MYO6: variants seen among roughly 807,000 people sequenced by gnomAD.
The protein encoded by MYO6 is unconventional myosin-VI.
A neutral mutation model predicts 178.7 loss-of-function variants in MYO6; 74 were observed. The ratio of observed to expected loss-of-function variants is 0.41; its 90% CI spans 0.34 to 0.50. The LOEUF is 0.50. MYO6 is among the 20% of genes least tolerant of loss of function. The probability of loss-of-function intolerance (pLI) is 0.09; values close to 1 mark genes in which losing one functional copy is unlikely to be tolerated. For synonymous variants in MYO6, 477 were observed against 504.6 expected, an observed-to-expected ratio of 0.95 and a Z score of 0.73; for missense variants, 1,330 against 1,547.4, an observed-to-expected ratio of 0.86 and a Z score of 2.36.
At chr6:75,803,101 G>A (rs1478885673) in intron 1 of MYO6, among the ~76,000 whole-genome samples, 1 of 152,074 alleles carries the variant, frequency 6.6e-6, no homozygotes, top group Non-Finnish European at 1.5e-5. Flanking sequence ...ATTTACGCAG[G>A]TGTTTATATT....
intron 23 of MYO6, among the ~76,000 whole-genome samples, chr6:75,882,078 G>C (rs758852681): frequency 6.6e-6 from 1 of 151,962 alleles, no homozygotes; most frequent in South Asian, 2.1e-4. Context: ...TTGATCTCTC[G>C]TCCCCGCACC....
chr6:75,866,803 T>C, intron 17 of MYO6, 129 bp from the exon 18 acceptor site: 1 of 1,108,858 alleles, frequency 9.0e-7, no homozygotes, highest in Non-Finnish European at 1.4e-6. Flanking sequence ...CACTGACTAG[T>C]GGTGACGGCG....
chr6:75,749,383 G>C lies in MYO6; in HGVS notation c.-88G>C. 1 of 153,504 alleles carries C rather than the reference G, an allele frequency of 6.5e-6. No individual in the cohort carries two copies. The highest frequency in any genetic ancestry group is 1.4e-5 in the Non-Finnish European group (1 of 69,036). The allele number at this position is 153,504 out of a possible 1,614,324, so 9.5% of individuals were successfully genotyped here. On this transcript the variant is annotated 5_prime_UTR_variant, in exon 1 of 35. Coordinates refer to ENST00000369977, the MANE Select transcript of MYO6 (RefSeq NM_004999.4). ...CGCGCCCTCCAGCTTCACCCGTACA[G>C]GTAGCCCCGCCGCCGCGCACCTGCC... is the stretch of plus-strand genomic sequence containing the variant.
intron 20 of MYO6, among the ~76,000 whole-genome samples, chr6:75,874,746 AC>A (rs1296619296): frequency 6.6e-6 from 1 of 152,052 alleles, no homozygotes; most frequent in African/African-American, 2.4e-5. Context: ...TCTTACAGCT[AC>A]CTCTTCCTCC....
intron 1 of MYO6, among the ~76,000 whole-genome samples, chr6:75,797,697 C>T (rs1228218947): frequency 6.6e-6 from 1 of 152,028 alleles, no homozygotes; most frequent in African/African-American, 2.4e-5. Flanking sequence ...CCACGCCTGT[C>T]TAATTTTTGG....
chr6:75,833,863 A>G (rs985242008), intron 6 of MYO6, among the ~76,000 whole-genome samples: 1 of 152,198 alleles, frequency 6.6e-6, no homozygotes, highest in Non-Finnish European at 1.5e-5. Flanking sequence ...ATACCTTTGC[A>G]TACTTCATGA....
intron 16 of MYO6, among the ~76,000 whole-genome samples, chr6:75,863,729 C>T (rs149374887): frequency 1.3e-4 from 20 of 152,174 alleles, no homozygotes; most frequent in Admixed American, 4.6e-4. Flanking sequence ...CATGATCTCC[C>T]TGCCTTGGCT....
Position 75,907,606 on chromosome 6 carries a change from G to GTACA in MYO6, c.3178_3179insTACA (p.Gly1060ValfsTer15). ...TGCAAAAATGTGTAATAATTACAGA[G>GTACA]GTCCTGCTGTACTAGCCACCAAAGC... On this transcript the variant is annotated frameshift_variant and splice_region_variant, in exon 31 of 35. Coordinates refer to ENST00000369977, the MANE Select transcript of MYO6 (RefSeq NM_004999.4). LOFTEE classifies it high-confidence loss of function. 1 of 1,609,288 alleles carries GTACA rather than the reference G, an allele frequency of 6.2e-7. No homozygotes were observed. The highest frequency in any genetic ancestry group is 8.5e-7 in the Non-Finnish European group (1 of 1,176,012).
intron 3 of MYO6, 102 bp from the exon 4 acceptor site, chr6:75,828,438 T>A (rs1772705469): frequency 1.3e-6 from 1 of 757,712 alleles, no homozygotes; most frequent in Admixed American, 2.1e-5. Context: ...AACCTAACAA[T>A]TGATTTTTAG....
rs141113511 is a variant in MYO6, at chr6:75,831,552, C to T, written c.391+1007C>T. On this transcript the variant is annotated intron_variant, in intron 5 of 34. Coordinates refer to ENST00000369977, the MANE Select transcript of MYO6 (RefSeq NM_004999.4). ...CATGTTTAAAATGTAAATAAACTAG[C>T]TTTTATTTTTAGCTTTTTACTGCGA... Among the ~76,000 whole-genome samples, 207 of 152,202 alleles carry T rather than the reference C, an allele frequency of 1.4e-3. 1 individual carries two copies. Among genetic ancestry groups the T allele is most frequent in the African/African-American group, 4.7e-3 (194 of 41,528 alleles).
At chr6:75,825,848 T>A (rs780948475) in intron 3 of MYO6, among the ~76,000 whole-genome samples, 16 of 152,286 alleles carry the variant, frequency 1.1e-4, no homozygotes, top group Non-Finnish European at 1.9e-4. Context: ...TAGAAACTTT[T>A]GTATATGTTA....
chr6:75,860,359 A>G (rs1280668904), intron 14 of MYO6, among the ~76,000 whole-genome samples: 1 of 152,244 alleles, frequency 6.6e-6, no homozygotes, highest in Non-Finnish European at 1.5e-5. Context: ...CAGTCACATT[A>G]GTTCTATTAC....
At chr6:75,881,918 C>A in intron 23 of MYO6, 100 bp downstream of exon 23, 1 of 1,413,978 alleles carries the variant, frequency 7.1e-7, no homozygotes, top group Non-Finnish European at 1.0e-6. Flanking sequence ...GCAACAGAGA[C>A]TGAGACTTGT....
intron 1 of MYO6, among the ~76,000 whole-genome samples, chr6:75,753,978 T>A (rs1316111689): frequency 6.6e-6 from 1 of 152,170 alleles, no homozygotes; most frequent in African/African-American, 2.4e-5. Context: ...TCCCTGTGAG[T>A]ACTGAAGCAT....
At chr6:75,750,248 C>T (rs960184860) in intron 1 of MYO6, among the ~76,000 whole-genome samples, 2 of 152,064 alleles carry the variant, frequency 1.3e-5, no homozygotes, top group African/African-American at 4.8e-5. Context: ...GCGCCCACCA[C>T]CACGCCTGGC....
chr6:75,781,745 A>G (rs1428075965), intron 1 of MYO6, among the ~76,000 whole-genome samples: 2 of 151,684 alleles, frequency 1.3e-5, no homozygotes, highest in Non-Finnish European at 2.9e-5. Flanking sequence ...ATATGGTGAA[A>G]CCCTGTCTCT....
chr6:75,878,688 G>A (rs977714002), intron 20 of MYO6, among the ~76,000 whole-genome samples: 1 of 152,172 alleles, frequency 6.6e-6, no homozygotes, highest in Admixed American at 6.5e-5. Flanking sequence ...ATTTATTTTG[G>A]TGTAAGAAGT....
chr6:75,901,152 T>G lies in MYO6; in HGVS notation c.3176+2741T>G, dbSNP rs573964791. On this transcript the variant is annotated intron_variant, in intron 30 of 34. Transcript: ENST00000369977. ...GTTACTGTAGCCTTGTAGTATAGTT[T>G]GAAGTCAGGTAGTGTGATGCCTCCA... Among the ~76,000 whole-genome samples the G allele has an allele frequency of 3.3e-5, 5 of 152,296 alleles. No individual in the cohort carries two copies. The East Asian group carries it at 9.6e-4, about 29-fold the overall frequency.
At chr6:75,865,967 CT>C (rs1254467825) in intron 16 of MYO6, among the ~76,000 whole-genome samples, 1 of 152,014 alleles carries the variant, frequency 6.6e-6, no homozygotes, top group Admixed American at 6.6e-5. Flanking sequence ...CAGGTTGATC[CT>C]TTTGTAGTTC....
Sources: allele counts gnomAD v4.1 joint callset (sites outside exome capture counted in the v4.1 genomes callset), GRCh38; gene constraint gnomAD v4.1.1; transcripts MANE v1.5; gene names NCBI Gene and HGNC (gene_info 2026-07-23, HGNC 2026-07-21).